Variants in ZXDC observed in about 807,000 individuals in gnomAD.
ZXDC encodes the protein zinc finger protein ZXDC.
Under a neutral mutation model 63.6 loss-of-function variants are expected in ZXDC, and 58 were observed. The ratio of observed to expected loss-of-function variants is 0.91; its 90% CI spans 0.74 to 1.13. ZXDC has a LOEUF of 1.13. Among genes scored for constraint, ZXDC ranks in the 50% most tolerant of loss-of-function variants. The pLI, the probability that ZXDC is intolerant of heterozygous loss-of-function variation, is 0.00. For missense variants in ZXDC, 1,133 were observed against 1,148.9 expected (o/e 0.99, Z 0.20); for synonymous variants, 561 against 496.1 (o/e 1.13, Z -1.74).
chr3:126,464,724 A>G (rs1934688397), intron 5 of ZXDC, among the ~76,000 whole-genome samples: 1 of 152,098 alleles, frequency 6.6e-6, no homozygotes, highest in Non-Finnish European at 1.5e-5. Context: ...GGAGAGGCCT[A>G]AGTGATGTAG....
chr3:126,440,631 C>A (rs937108286), intron 8 of ZXDC: 1 of 986,448 alleles, frequency 1.0e-6, no homozygotes, highest in Non-Finnish European at 1.2e-6. Flanking sequence ...TGGTCCTCCC[C>A]CTCCCCCTGC....
intron 1 of ZXDC, 73 bp from the exon 2 acceptor site, chr3:126,472,378 C>A: frequency 1.3e-6 from 2 of 1,544,698 alleles, no homozygotes. Flanking sequence ...CTAGTCACAC[C>A]CACCAGACCC....
At chr3:126,449,084 C>T (rs1296892166) in intron 7 of ZXDC, among the ~76,000 whole-genome samples, 1 of 152,188 alleles carries the variant, frequency 6.6e-6, no homozygotes, top group Admixed American at 6.5e-5. Flanking sequence ...TGTAGCAGGA[C>T]CCCATCCTAG....
At chr3:126,460,665 G>T (rs1934490687) in intron 6 of ZXDC, 2 of 985,202 alleles carry the variant, frequency 2.0e-6, no homozygotes, top group African/African-American at 3.5e-5. Flanking sequence ...GCAAATGCCG[G>T]CAAGCATGGC....
chr3:126,461,326 G>T, intron 6 of ZXDC: 1 of 1,369,314 alleles, frequency 7.3e-7, no homozygotes, highest in Non-Finnish European at 9.4e-7. Flanking sequence ...ATCTCCTTAT[G>T]CAGGAAATAA....
At chr3:126,448,127 C>T (rs1357151285) in intron 7 of ZXDC, among the ~76,000 whole-genome samples, 1 of 152,252 alleles carries the variant, frequency 6.6e-6, no homozygotes, top group African/African-American at 2.4e-5. Flanking sequence ...TGTAGATGTG[C>T]TGGGCTTAGA....
In ZXDC at chr3:126,471,014, T is replaced by C. The variant is rs988129193; in HGVS notation, c.1151A>G (p.Asp384Gly). Residue 384 changes from aspartate (D) to glycine (G), a missense_variant, in exon 4 of 10, where the codon GAT (aspartate) becomes GGT (glycine). Asp to Gly is a moderately conservative substitution (Grantham distance 94). Transcript: ENST00000389709. ...GACAGGGCAGGTAAACCTCCGGTCA[T>C]CGTCATGTTTCCTGCCAGACAGAAA... ...KLLRHRRKHD[D>G]DRRFTCPVEG... 3.1e-6 allele frequency: 5 copies of C among 1,613,896 alleles called. No individual in the cohort carries two copies. The African/African-American group carries it at 5.3e-5, about 17-fold the overall frequency.
chr3:126,438,489 GGGA>G, intron 9 of ZXDC, 28 bp from the exon 10 acceptor site: 1 of 1,602,452 alleles, frequency 6.2e-7, no homozygotes, highest in Non-Finnish European at 8.5e-7. Flanking sequence ...GTCATGAAGA[GGGA>G]GGAGGGAGGG....
chr3:126,459,629 C>T (rs764735729), intron 7 of ZXDC, 24 bp downstream of exon 7: 13 of 1,613,848 alleles, frequency 8.1e-6, no homozygotes, highest in Admixed American at 1.7e-5. Context: ...CTTGCTCGTC[C>T]GGCTGCAGCA....
intron 1 of ZXDC, 94 bp from the exon 2 acceptor site, chr3:126,472,399 G>A (rs2107660124): frequency 6.9e-7 from 1 of 1,446,300 alleles, no homozygotes; most frequent in Middle Eastern, 2.1e-4. Flanking sequence ...TGTTCACACT[G>A]AAGCAGACAA....
At chr3:126,439,765 T>G in intron 8 of ZXDC, 38 bp from the exon 9 acceptor site, 1 of 1,540,400 alleles carries the variant, frequency 6.5e-7, no homozygotes, top group Non-Finnish European at 8.7e-7. Flanking sequence ...CACATGTCTG[T>G]GAGAGTGCAG....
chr3:126,453,578 T>A (rs1934192969), intron 7 of ZXDC: 2 of 985,328 alleles, frequency 2.0e-6, no homozygotes, highest in South Asian at 9.4e-5. Flanking sequence ...GCAGCGTGCT[T>A]CTATTACCAT....
chr3:126,446,310 A>C (rs991230032), intron 7 of ZXDC, among the ~76,000 whole-genome samples: 13 of 152,202 alleles, frequency 8.5e-5, no homozygotes, highest in African/African-American at 2.9e-4. Flanking sequence ...TAAATAGCAA[A>C]GTGGTCAAGG....
Position 126,475,666 on chromosome 3 carries a change from TC to T in ZXDC, c.199del (p.Glu67ArgfsTer57). 7.0e-7 allele frequency: 1 copy of T among 1,427,058 alleles called. No homozygotes were observed. The highest frequency in any genetic ancestry group is 2.1e-4 in the Middle Eastern group (1 of 4,876). The allele number at this position is 1,427,058 out of a possible 1,614,324, so 88.4% of individuals were successfully genotyped here. A position where few individuals can be genotyped will look rare whatever the true frequency, so the allele number is the denominator to read the frequency against. On this transcript the variant is annotated frameshift_variant, in exon 1 of 10. Transcript: ENST00000389709. LOFTEE classifies it high-confidence loss of function. ...GAAAGAGTCGCCGTCGCTGTCGTCC[TC>T]GGCGGGCGGCGGGCTTGGCCCGGAG... ...EASGPSPPPA[E>X]DDSDGDSFLV...
Position 126,454,060 on chromosome 3 carries a change from A to G in ZXDC, c.2212+5593T>C, listed in dbSNP as rs974092145. On this transcript the variant is annotated intron_variant, in intron 7 of 9. Transcript: ENST00000389709. ...TATAGGTAGTACTACACATATATAT[A>G]TATATTTTTTTTTTTGGTAAAGACT... The G allele has an allele frequency of 5.7e-6, 4 of 706,604 alleles. No homozygotes were observed. In the African/African-American group the frequency reaches 6.3e-5, roughly 11 times the overall value. The allele number at this position is 706,604 out of a possible 1,614,324, so 43.8% of individuals were successfully genotyped here.
At position 126,453,184 on chromosome 3, in the gene ZXDC, T is replaced by C. The variant is rs1313543685; in HGVS notation, c.2212+6469A>G. 3 of 985,346 alleles carry C rather than the reference T, an allele frequency of 3.0e-6. No homozygotes were observed. In the African/African-American group the frequency reaches 5.2e-5, roughly 17 times the overall value. 61.0% of individuals were successfully genotyped at this position (985,346 alleles called of 1,614,324 possible). A position where few individuals can be genotyped will look rare whatever the true frequency, so the allele number is the denominator to read the frequency against. On this transcript the variant is annotated intron_variant, in intron 7 of 9. Coordinates refer to ENST00000389709, the MANE Select transcript of ZXDC (RefSeq NM_025112.5). Reference sequence around the variant, plus strand: ...TTGTTTTCCTAGAAAACTCTGCATTTTGTTGCAAGTATTCTAACTTATTAT... The same window carrying C: ...TTGTTTTCCTAGAAAACTCTGCATTCTGTTGCAAGTATTCTAACTTATTAT...
chr3:126,460,679 GCCA>G (rs1220517710), intron 6 of ZXDC: 2 of 985,234 alleles, frequency 2.0e-6, no homozygotes, highest in African/African-American at 3.5e-5. Flanking sequence ...GCATGGCTCT[GCCA>G]CCGACAAGCA....
Position 126,472,297 on chromosome 3 carries a change from T to C in ZXDC, c.916A>G (p.Lys306Glu). The change falls in exon 2 of 10, where the codon AAG becomes GAG. Residue 306 changes from lysine to glutamate, a missense_variant. Transcript: ENST00000389709. Reference sequence around the variant, plus strand: ...AGGGCACTCACTGTGATAAATGTCTTCTCACAGCCTGAACAAGGAAAACAC... The same window carrying C: ...AGGGCACTCACTGTGATAAATGTCTCCTCACAGCCTGAACAAGGAAAACAC... ...PYKCDFPGCE[K>E]TFITVSALFS... 6.2e-7 allele frequency: 1 copy of C among 1,605,724 alleles called. No individual in the cohort carries two copies. Among genetic ancestry groups the C allele is most frequent in the Non-Finnish European group, 8.5e-7 (1 of 1,173,170 alleles).
intron 6 of ZXDC, chr3:126,461,213 A>G: frequency 9.3e-7 from 1 of 1,077,296 alleles, no homozygotes; most frequent in Non-Finnish European, 1.1e-6. Context: ...ACAAGCATAG[A>G]GGCAAAGTAT....
Sources: allele counts gnomAD v4.1 joint callset (sites outside exome capture counted in the v4.1 genomes callset), GRCh38; gene constraint gnomAD v4.1.1; transcripts MANE v1.5; gene names NCBI Gene and HGNC (gene_info 2026-07-23, HGNC 2026-07-21).